The following CEP83 variants were observed in gnomAD, a reference collection of about 807,000 sequenced individuals.
The protein encoded by CEP83 is centrosomal protein 83, also known as centrosomal protein of 83 kDa.
In CEP83, 70 loss-of-function variants were observed where a neutral mutation model predicts 101.9. The observed-to-expected ratio is 0.69, with a 90% CI of 0.57 to 0.84. The LOEUF (loss-of-function observed/expected upper bound fraction) is 0.84. CEP83 is among the 40% of genes least tolerant of loss of function. CEP83 has a pLI of 0.00. For missense variants in CEP83, 715 were observed against 787.2 expected (o/e 0.91, Z 1.10); for synonymous variants, 264 against 267.9 (o/e 0.99, Z 0.14).
intron 6 of CEP83, among the ~76,000 whole-genome samples, chr12:94,396,011 T>G (rs1009636593): frequency 4.6e-5 from 7 of 152,128 alleles, no homozygotes; most frequent in Non-Finnish European, 1.0e-4. Flanking sequence ...TTTCACAGGA[T>G]GTAGTGCTCC....
At position 94,307,720 on chromosome 12, in the gene CEP83, T is replaced by G. The variant is rs1013909657; in HGVS notation, c.*1093A>C. The G allele has an allele frequency of 6.6e-6, 1 of 152,154 alleles. No homozygotes were observed. The highest frequency in any genetic ancestry group is 1.5e-5 in the Non-Finnish European group (1 of 68,016). The allele number at this position is 152,154 out of a possible 1,614,324, so 9.4% of individuals were successfully genotyped here. ...CAATTTTCTAGTTATAATAGTTTTT[T>G]TATTCTAAGTGGCTCCGTGGAAATT... On this transcript the variant is annotated 3_prime_UTR_variant, in exon 17 of 17. Transcript: ENST00000397809.
intron 1 of CEP83, among the ~76,000 whole-genome samples, chr12:94,458,726 A>C (rs890410198): frequency 1.3e-5 from 2 of 152,230 alleles, no homozygotes; most frequent in Non-Finnish European, 2.9e-5. Context: ...CGACAGAGTG[A>C]GACTCAGTCA....
intron 11 of CEP83, among the ~76,000 whole-genome samples, chr12:94,364,722 C>A (rs1290456362): frequency 6.6e-6 from 1 of 151,784 alleles, no homozygotes; most frequent in Non-Finnish European, 1.5e-5. Flanking sequence ...AGAAATATAC[C>A]CAAGTATATA....
At chr12:94,432,841 A>G (rs1199398417) in intron 2 of CEP83, among the ~76,000 whole-genome samples, 1 of 152,246 alleles carries the variant, frequency 6.6e-6, no homozygotes, top group Non-Finnish European at 1.5e-5. Context: ...ACAAATACAC[A>G]TGTACCTCAT....
chr12:94,358,641 A>C (rs1019181741), intron 11 of CEP83, among the ~76,000 whole-genome samples: 1 of 152,320 alleles, frequency 6.6e-6, no homozygotes, highest in South Asian at 2.1e-4. Context: ...GAAAATGGAA[A>C]ATGTTCACTG....
chr12:94,389,138 A>G (rs866371935), intron 6 of CEP83, among the ~76,000 whole-genome samples: 18 of 152,302 alleles, frequency 1.2e-4, no homozygotes, highest in Middle Eastern at 3.4e-3. Flanking sequence ...AAAAAGAAAG[A>G]AAGAAAATGC....
intron 1 of CEP83, among the ~76,000 whole-genome samples, chr12:94,441,522 A>G (rs1193917990): frequency 6.6e-6 from 1 of 152,206 alleles, no homozygotes; most frequent in African/African-American, 2.4e-5. Flanking sequence ...AAAATAATAG[A>G]TGGTGACAAG....
intron 1 of CEP83, among the ~76,000 whole-genome samples, chr12:94,447,249 C>A (rs2066877467): frequency 6.6e-6 from 1 of 152,196 alleles, no homozygotes; most frequent in African/African-American, 2.4e-5. Flanking sequence ...CACAGTGGCT[C>A]ATGCCTGTAA....
intron 1 of CEP83, among the ~76,000 whole-genome samples, chr12:94,454,230 T>C (rs2067471241): frequency 6.6e-6 from 1 of 152,238 alleles, no homozygotes; most frequent in South Asian, 2.1e-4. Context: ...TGGCTGGCTA[T>C]ATCAGTTGTA....
intron 11 of CEP83, among the ~76,000 whole-genome samples, chr12:94,353,167 C>T (rs992968506): frequency 2.0e-5 from 3 of 152,098 alleles, no homozygotes; most frequent in Admixed American, 6.5e-5. Flanking sequence ...AGAAACCTTA[C>T]AGGCAAGAAG....
At chr12:94,454,465 G>A (rs967734152) in intron 1 of CEP83, among the ~76,000 whole-genome samples, 4 of 151,952 alleles carry the variant, frequency 2.6e-5, no homozygotes, top group African/African-American at 7.3e-5. Flanking sequence ...GTTTGTAAAC[G>A]CACCAATCAG....
At chr12:94,303,452 T>C (rs776364561), downstream of CEP83, among the ~76,000 whole-genome samples, 5 of 152,220 alleles carry the variant, frequency 3.3e-5, no homozygotes, top group Admixed American at 6.5e-5. Context: ...ATAAGTTCCA[T>C]TGTTACAGTA....
chr12:94,447,815 C>T (rs1322866573), intron 1 of CEP83, among the ~76,000 whole-genome samples: 3 of 151,712 alleles, frequency 2.0e-5, no homozygotes, highest in African/African-American at 4.8e-5. Context: ...ATTGTAATCC[C>T]TAACAATATA....
At chr12:94,451,459 A>G (rs1475818438) in intron 1 of CEP83, among the ~76,000 whole-genome samples, 1 of 140,818 alleles carries the variant, frequency 7.1e-6, no homozygotes, top group Admixed American at 7.2e-5. Flanking sequence ...CTTACAACTC[A>G]GTAAGACCAA....
intron 2 of CEP83, among the ~76,000 whole-genome samples, chr12:94,432,904 T>C (rs1442974938): frequency 6.6e-6 from 1 of 152,218 alleles, no homozygotes; most frequent in Non-Finnish European, 1.5e-5. Context: ...AAAAAAATTA[T>C]AAAATATTAT....
intron 6 of CEP83, among the ~76,000 whole-genome samples, chr12:94,389,214 A>G (rs2062360918): frequency 6.6e-6 from 1 of 152,214 alleles, no homozygotes; most frequent in Admixed American, 6.5e-5. Flanking sequence ...AATTAAAGGT[A>G]AATGGGTCTC....
In CEP83 at chr12:94,408,694, C is replaced by T. The variant is rs542891542; in HGVS notation, c.324+3003G>A. 1.1e-4 allele frequency among the ~76,000 whole-genome samples: 17 copies of T among 152,252 alleles called. No homozygotes were observed. In the South Asian group the frequency reaches 3.5e-3, roughly 32 times the overall value. On this transcript the variant is annotated intron_variant, in intron 4 of 16. Transcript: ENST00000397809. ...TCCTAGGCTCAAACAAGTCTCCTGA[C>T]TCAGCCTCTCTAGTAGCTGGGACTA... is the stretch of plus-strand genomic sequence containing the variant.
At chr12:94,362,622 G>C (rs962703112) in intron 11 of CEP83, among the ~76,000 whole-genome samples, 1 of 152,152 alleles carries the variant, frequency 6.6e-6, no homozygotes, top group Non-Finnish European at 1.5e-5. Flanking sequence ...AGGTGACAGA[G>C]TGAGACCCTG....
chr12:94,317,747 TTACTC>T (rs1311181104), intron 14 of CEP83, among the ~76,000 whole-genome samples: 1 of 152,096 alleles, frequency 6.6e-6, no homozygotes, highest in Non-Finnish European at 1.5e-5. Context: ...TTAATTCTGG[TTACTC>T]TATTCTGTTC....
Sources: gnomAD v4.1 joint callset for allele counts (sites outside exome capture counted in the v4.1 genomes callset) on GRCh38, gnomAD v4.1.1 for gene constraint, MANE v1.5 for transcripts, NCBI Gene and HGNC (gene_info 2026-07-23, HGNC 2026-07-21) for gene names.